The following JARID2 variants were observed in gnomAD, a reference collection of about 807,000 sequenced individuals.
JARID2 encodes jumonji and AT-rich interaction domain containing 2, also known as protein Jumonji.
Under a neutral mutation model 125.6 loss-of-function variants are expected in JARID2, and 21 were observed. The ratio of observed to expected loss-of-function variants is 0.17; its 90% CI spans 0.12 to 0.24. The LOEUF (loss-of-function observed/expected upper bound fraction) is 0.24, where lower values mean the gene tolerates loss of function less well. Among genes scored for constraint, JARID2 ranks in the 10% least tolerant of loss-of-function variants. The probability of loss-of-function intolerance (pLI) is 1.00; values close to 1 mark genes in which losing one functional copy is unlikely to be tolerated. For synonymous variants in JARID2, 736 were observed against 661.6 expected (o/e 1.11, Z -1.73); for missense variants, 1,303 against 1,639.6 (o/e 0.79, Z 3.55).
chr6:15,338,500 C>T (rs1195314709), intron 1 of JARID2, among the ~76,000 whole-genome samples: 6 of 152,216 alleles, frequency 3.9e-5, no homozygotes, highest in Non-Finnish European at 8.8e-5. Flanking sequence ...GACAGATGGG[C>T]TGAGGCCCCA....
chr6:15,410,724 A>G (rs1343546713), intron 3 of JARID2, among the ~76,000 whole-genome samples: 2 of 152,198 alleles, frequency 1.3e-5, no homozygotes, highest in African/African-American at 2.4e-5. Context: ...CTGAAAAGAG[A>G]TCTTTCTAAA....
intron 1 of JARID2, chr6:15,247,773 T>A: frequency 1.0e-6 from 1 of 985,372 alleles, no homozygotes; most frequent in South Asian, 4.7e-5. Context: ...ACTTCAACTA[T>A]GAAAGAAATG....
intron 3 of JARID2, among the ~76,000 whole-genome samples, chr6:15,447,050 A>G (rs957577328): frequency 1.3e-5 from 2 of 152,014 alleles, no homozygotes; most frequent in East Asian, 1.9e-4. Context: ...TATTTCCCCA[A>G]ACAGCAGCTC....
chr6:15,279,616 C>G (rs933434729), intron 1 of JARID2, among the ~76,000 whole-genome samples: 3 of 152,194 alleles, frequency 2.0e-5, no homozygotes, highest in African/African-American at 7.2e-5. Context: ...TGTCACTTCC[C>G]TTAGCTTTCC....
intron 1 of JARID2, among the ~76,000 whole-genome samples, chr6:15,335,365 G>T (rs568534698): frequency 6.6e-6 from 1 of 152,100 alleles, no homozygotes; most frequent in African/African-American, 2.4e-5. Flanking sequence ...CACCCAAAGG[G>T]CTGGGATTGC....
chr6:15,294,151 A>G (rs570332222), intron 1 of JARID2, among the ~76,000 whole-genome samples: 30 of 152,300 alleles, frequency 2.0e-4, no homozygotes. Context: ...AGGAAGGCCA[A>G]CCACTTTAGG....
At chr6:15,511,525 C>A in intron 13 of JARID2, 124 bp downstream of exon 13, 1 of 688,150 alleles carries the variant, frequency 1.5e-6, no homozygotes. Flanking sequence ...CCCCAGGGTG[C>A]AAAGGGAAAG....
chr6:15,435,429 TG>T (rs1392303184), intron 3 of JARID2, among the ~76,000 whole-genome samples: 1 of 152,192 alleles, frequency 6.6e-6, no homozygotes, highest in Non-Finnish European at 1.5e-5. Flanking sequence ...GTAAGAAAGT[TG>T]TCTCCTGTTA....
At chr6:15,479,128 C>T (rs990716894) in intron 5 of JARID2, among the ~76,000 whole-genome samples, 8 of 152,138 alleles carry the variant, frequency 5.3e-5, no homozygotes, top group Admixed American at 3.9e-4. Context: ...CTGCCTGTTG[C>T]CCCGTAAGGC....
chr6:15,387,666 C>A (rs1465553773), intron 2 of JARID2, among the ~76,000 whole-genome samples: 2 of 152,114 alleles, frequency 1.3e-5, no homozygotes, highest in African/African-American at 4.8e-5. Context: ...AATTAAACTC[C>A]ATGTTAATCT....
chr6:15,483,860 T>C (rs2127711282), intron 5 of JARID2, among the ~76,000 whole-genome samples: 1 of 152,308 alleles, frequency 6.6e-6, no homozygotes, highest in South Asian at 2.1e-4. Flanking sequence ...TTTCCGCCAG[T>C]AGTGTGTGAG....
chr6:15,365,641 C>A (rs1288375413), intron 1 of JARID2, among the ~76,000 whole-genome samples: 3 of 150,862 alleles, frequency 2.0e-5, no homozygotes, highest in African/African-American at 7.3e-5. Flanking sequence ...TTTAAATAGG[C>A]AGTAATCAAA....
chr6:15,249,539 C>A (rs1422817203), intron 1 of JARID2, among the ~76,000 whole-genome samples: 1 of 152,136 alleles, frequency 6.6e-6, no homozygotes, highest in Non-Finnish European at 1.5e-5. Context: ...TGGAAAAATA[C>A]CTGCCATTGC....
At chr6:15,413,453 T>C (rs1321029244) in intron 3 of JARID2, among the ~76,000 whole-genome samples, 2 of 152,210 alleles carry the variant, frequency 1.3e-5, no homozygotes, top group Non-Finnish European at 2.9e-5. Context: ...GGGGTAACTT[T>C]AGAAATACAG....
At chr6:15,435,766 T>A (rs1024982224) in intron 3 of JARID2, among the ~76,000 whole-genome samples, 1 of 152,190 alleles carries the variant, frequency 6.6e-6, no homozygotes, top group Non-Finnish European at 1.5e-5. Flanking sequence ...TCGAGTAGAT[T>A]AATAGTATAA....
At chr6:15,484,081 C>G (rs746853195) in intron 5 of JARID2, among the ~76,000 whole-genome samples, 8 of 152,112 alleles carry the variant, frequency 5.3e-5, no homozygotes, top group Non-Finnish European at 1.0e-4. Flanking sequence ...GAAATAGTTT[C>G]GACCCTAGCA....
chr6:15,396,851 T>G (rs1021395054), intron 2 of JARID2, among the ~76,000 whole-genome samples: 5 of 152,198 alleles, frequency 3.3e-5, no homozygotes, highest in African/African-American at 1.2e-4. Flanking sequence ...CTACTTTAAT[T>G]GTAGCCTTAA....
intron 1 of JARID2, among the ~76,000 whole-genome samples, chr6:15,279,306 T>C (rs1209272920): frequency 1.3e-5 from 2 of 152,194 alleles, no homozygotes; most frequent in Non-Finnish European, 2.9e-5. Flanking sequence ...TTTTCTGAAA[T>C]GGTTGGAGCA....
chr6:15,461,237 GACAAAGATGCTAGATTA>G (rs1768434120), intron 4 of JARID2, among the ~76,000 whole-genome samples: 1 of 152,218 alleles, frequency 6.6e-6, no homozygotes, highest in Non-Finnish European at 1.5e-5. Context: ...AGTTTTCAAT[GACAAAGATGCTAGATTA>G]GCGTGGGAAT....
Sources: allele counts gnomAD v4.1 joint callset (sites outside exome capture counted in the v4.1 genomes callset), GRCh38; gene constraint gnomAD v4.1.1; transcripts MANE v1.5; gene names NCBI Gene and HGNC (gene_info 2026-07-23, HGNC 2026-07-21).